IGSF10: variants seen among roughly 807,000 people sequenced by gnomAD.
The protein encoded by IGSF10 is immunoglobulin superfamily member 10, also known as calvaria mechanical force protein 608.
A neutral mutation model predicts 128.2 loss-of-function variants in IGSF10; 126 were observed. The ratio of observed to expected loss-of-function variants is 0.98; its 90% CI spans 0.85 to 1.14. The LOEUF (loss-of-function observed/expected upper bound fraction) is 1.14. Ranked by LOEUF, IGSF10 falls within the 50% of genes most tolerant of loss-of-function variation. The pLI is 0.00. For missense variants in IGSF10, 3,295 were observed against 3,149.8 expected, an observed-to-expected ratio of 1.05 and a Z score of -1.10; for synonymous variants, 1,185 against 1,146.2, an observed-to-expected ratio of 1.03 and a Z score of -0.68.
At chr3:151,589,330 C>A in the IGSF10 span, among the ~76,000 whole-genome samples, 6 of 152,170 alleles carry the variant, frequency 3.9e-5, no homozygotes, top group Non-Finnish European at 7.3e-5. Flanking sequence ...CTGAGAGCGG[C>A]AATGAAGTTA....
At chr3:151,485,549 T>C in the IGSF10 span, among the ~76,000 whole-genome samples, 1 of 152,032 alleles carries the variant, frequency 6.6e-6, no homozygotes, top group Non-Finnish European at 1.5e-5. Context: ...GGCAGCAAGA[T>C]AGAAAGATTG....
chr3:151,570,248 C>A, the IGSF10 span, among the ~76,000 whole-genome samples: 1 of 152,038 alleles, frequency 6.6e-6, no homozygotes, highest in Non-Finnish European at 1.5e-5. Context: ...GGGTATATAC[C>A]CAGTAATGGG....
chr3:151,549,464 T>C, the IGSF10 span, among the ~76,000 whole-genome samples: 4 of 152,194 alleles, frequency 2.6e-5, 1 homozygote, highest in Admixed American at 2.6e-4. Flanking sequence ...ATCTTCTTCT[T>C]TATATCCAGA....
chr3:151,433,008 C>T (rs1560159778), downstream of IGSF10: 6 of 524,348 alleles, frequency 1.1e-5, no homozygotes, highest in Non-Finnish European at 1.4e-5. Context: ...GTTGAATTCA[C>T]CTTTAAAGTA....
the IGSF10 span, among the ~76,000 whole-genome samples, chr3:151,517,829 G>C: frequency 1.3e-5 from 2 of 151,898 alleles, no homozygotes; most frequent in Non-Finnish European, 2.9e-5. Flanking sequence ...ATAGATACTA[G>C]AACAGACTGG....
At position 151,453,999 on chromosome 3, in the gene IGSF10, A is replaced by T; in HGVS notation, c.325-225T>A. ...ATTTATATTAAGGAATGAGATATAT[A>T]TATTTCTTTTTTTCTTTTTCTTTTT... On this transcript the variant is annotated intron_variant, in intron 4 of 7. Coordinates refer to ENST00000282466, the MANE Select transcript of IGSF10 (RefSeq NM_178822.5). Among the ~76,000 whole-genome samples, 2 of 147,646 alleles carry T rather than the reference A, an allele frequency of 1.4e-5. 1 individual carries two copies. Among genetic ancestry groups the T allele is most frequent in the Admixed American group, 1.4e-4 (2 of 14,376 alleles).
At chr3:151,481,460 A>C in the IGSF10 span, among the ~76,000 whole-genome samples, 9 of 152,136 alleles carry the variant, frequency 5.9e-5, no homozygotes, top group Non-Finnish European at 1.0e-4. Flanking sequence ...TCAAGGCCTG[A>C]GGCTCTGAAG....
the IGSF10 span, among the ~76,000 whole-genome samples, chr3:151,508,735 A>G: frequency 6.6e-6 from 1 of 152,188 alleles, no homozygotes; most frequent in African/African-American, 2.4e-5. Context: ...GGGCCCATGG[A>G]GCATCCAAAA....
In IGSF10 at chr3:151,439,045, CAAGT is replaced by C. The variant is rs565062911; in HGVS notation, c.5964-452_5964-449del. On this transcript the variant is annotated intron_variant, in intron 7 of 7. Coordinates refer to ENST00000282466, the MANE Select transcript of IGSF10 (RefSeq NM_178822.5). Reference sequence around the variant, plus strand: ...CTAATTGAACAGGTATAATTTAGTGCAAGTAAGTATTTCTCAGATGGAATTCAAA... The same window carrying C: ...CTAATTGAACAGGTATAATTTAGTGCAAGTATTTCTCAGATGGAATTCAAA... 7.2e-5 allele frequency among the ~76,000 whole-genome samples: 11 copies of C among 152,126 alleles called. No homozygotes were observed. In the East Asian group the frequency reaches 7.7e-4, roughly 11 times the overall value.
At chr3:151,441,456 A>G (rs1720841889) in intron 7 of IGSF10, among the ~76,000 whole-genome samples, 1 of 152,222 alleles carries the variant, frequency 6.6e-6, no homozygotes, top group African/African-American at 2.4e-5. Flanking sequence ...AAACTTGAGA[A>G]TTAACATTTA....
chr3:151,446,164 T>A lies in IGSF10; in HGVS notation c.3817A>T (p.Thr1273Ser). Residue 1273 changes from threonine (T) to serine (S), a missense_variant, in exon 6 of 8, where the codon ACT becomes TCT. Physicochemically the swap from Thr to Ser is moderately conservative, Grantham distance 58. Transcript: ENST00000282466. ...CCAGGATTGTGTGTTTTGGTCGTAGTGTGGTGAGCGGTAGTCAAGGTATTA... is the reference window on the plus strand; with the variant it reads ...CCAGGATTGTGTGTTTTGGTCGTAGAGTGGTGAGCGGTAGTCAAGGTATTA... ...PSNTLTTAHH[T>S]TTKTHNPGSL... 1 of 1,614,146 alleles carries A rather than the reference T, an allele frequency of 6.2e-7. No individual in the cohort carries two copies. The highest frequency in any genetic ancestry group is 8.5e-7 in the Non-Finnish European group (1 of 1,180,024).
downstream of IGSF10, chr3:151,432,841 C>T (rs766328454): frequency 6.6e-7 from 1 of 1,521,934 alleles, no homozygotes; most frequent in South Asian, 1.2e-5. Context: ...TTTATGTTTG[C>T]ACTGAAAAAC....
chr3:151,619,430 A>ATGTGTG, the IGSF10 span, among the ~76,000 whole-genome samples: 3,593 of 144,264 alleles, frequency 0.025, 51 homozygotes, highest in Non-Finnish European at 0.03. Context: ...ATTACTTTTA[A>ATGTGTG]TGTGTGTGTG....
chr3:151,453,781 AT>A lies in IGSF10; in HGVS notation c.325-8del. On this transcript the variant is annotated splice_region_variant and splice_polypyrimidine_tract_variant and intron_variant, in intron 4 of 7. Coordinates refer to ENST00000282466, the MANE Select transcript of IGSF10 (RefSeq NM_178822.5). Reference sequence around the variant, plus strand: ...TATAGCTCATTTTTAAGACCTATGAATTAAAAAAAAGAACATATTTATGTTG... The same window carrying A: ...TATAGCTCATTTTTAAGACCTATGAATAAAAAAAAGAACATATTTATGTTG... The A allele has an allele frequency of 1.4e-6, 2 of 1,455,608 alleles. No homozygotes were observed. Among genetic ancestry groups the A allele is most frequent in the South Asian group, 1.4e-5 (1 of 73,702 alleles). 90.2% of individuals were successfully genotyped at this position (1,455,608 alleles called of 1,614,324 possible). A position where few individuals can be genotyped will look rare whatever the true frequency, so the allele number is the denominator to read the frequency against.
upstream of IGSF10, among the ~76,000 whole-genome samples, chr3:151,462,910 C>T (rs1249392310): frequency 1.3e-5 from 2 of 152,122 alleles, no homozygotes; most frequent in East Asian, 1.9e-4. Flanking sequence ...GCATATTTGT[C>T]GGGTTTTGGC....
chr3:151,578,380 G>A, the IGSF10 span, among the ~76,000 whole-genome samples: 6 of 152,150 alleles, frequency 3.9e-5, no homozygotes, highest in Non-Finnish European at 8.8e-5. Flanking sequence ...TAGCCATTAT[G>A]CAAATAACTA....
chr3:151,553,152 G>A, the IGSF10 span, among the ~76,000 whole-genome samples: 3 of 152,126 alleles, frequency 2.0e-5, no homozygotes, highest in Non-Finnish European at 4.4e-5. Context: ...AGAGATGCCT[G>A]TAACAATTAC....
At position 151,436,901 on chromosome 3, in the gene IGSF10, C is replaced by G; in HGVS notation, c.7660G>C (p.Gly2554Arg). The G allele has an allele frequency of 6.2e-7, 1 of 1,614,160 alleles. No individual in the cohort carries two copies. Among genetic ancestry groups the G allele is most frequent in the South Asian group, 1.1e-5 (1 of 91,074 alleles). The change falls in exon 8 of 8, where the codon GGA becomes CGA. Residue 2554 changes from glycine to arginine, a missense_variant. Transcript: ENST00000282466. ...AAFQLHCVAL[G>R]VPKPEITWEM... ...CATGTGATTTCTGGCTTGGGAACTC[C>G]CAAGGCCACACAGTGGAGCTGAAAG...
At chr3:151,468,355 A>C in the IGSF10 span, among the ~76,000 whole-genome samples, 4 of 152,200 alleles carry the variant, frequency 2.6e-5, no homozygotes, top group African/African-American at 9.7e-5. Context: ...CACAACCGAG[A>C]GATCCTAGAA....
Sources: gnomAD v4.1 joint callset for allele counts (sites outside exome capture counted in the v4.1 genomes callset) on GRCh38, gnomAD v4.1.1 for gene constraint, MANE v1.5 for transcripts, NCBI Gene and HGNC (gene_info 2026-07-23, HGNC 2026-07-21) for gene names.